Variants in CASP4 observed in about 807,000 individuals in gnomAD.
CASP4 encodes caspase 4.
A neutral mutation model predicts 41.3 loss-of-function variants in CASP4; 29 were observed. The ratio of observed to expected loss-of-function variants is 0.70; its 90% CI spans 0.52 to 0.96. The LOEUF (loss-of-function observed/expected upper bound fraction) is 0.96. Ranked by LOEUF, CASP4 falls within the 40% of genes least tolerant of loss-of-function variation. CASP4 has a pLI of 0.00. For synonymous variants in CASP4, 185 were observed against 158.4 expected (o/e 1.17, Z -1.26); for missense variants, 447 against 460.6 (o/e 0.97, Z 0.27).
chr11:104,949,702 T>G lies in CASP4; in HGVS notation c.622A>C (p.Met208Leu). 1 of 1,613,960 alleles carries G rather than the reference T, an allele frequency of 6.2e-7. No homozygotes were observed. Among genetic ancestry groups the G allele is most frequent in the African/African-American group, 1.3e-5 (1 of 75,026 alleles). The part of the protein sequence containing the change: ...KSSDSTFLVL[M>L]SHGILEGICG... ...ATTCCCTCCAGGATGCCATGAGACA[T>G]GAGTACCAAGAATGTGCTGTCAGAG... The change falls in exon 5 of 9, where the codon ATG (methionine) becomes CTG (leucine). Residue 208 changes from methionine to leucine, a missense_variant. Coordinates refer to ENST00000444739, the MANE Select transcript of CASP4 (RefSeq NM_001225.4).
intron 8 of CASP4, 33 bp downstream of exon 8, chr11:104,944,715 T>G (rs745466607): frequency 7.4e-7 from 1 of 1,345,510 alleles, no homozygotes; most frequent in South Asian, 1.2e-5. Flanking sequence ...TCTTATTTAT[T>G]TCACATACCA....
chr11:104,944,771 G>A lies in CASP4; in HGVS notation c.1116C>T (p.Tyr372=), dbSNP rs781519207. 9 of 1,610,660 alleles carry A rather than the reference G, an allele frequency of 5.6e-6. No individual in the cohort carries two copies. The highest frequency in any genetic ancestry group is 1.3e-5 in the African/African-American group (1 of 74,844). The change falls in exon 8 of 9, where the codon TAC becomes TAT. Residue 372 remains tyrosine (Y), a synonymous_variant. Coordinates refer to ENST00000444739, the MANE Select transcript of CASP4 (RefSeq NM_001225.4). ...ACCATTTTCAATTGCCAGGAAAGAG[G>A]TAGAAATATCTTGTCATGGACAGTC... The part of the protein sequence containing the change: ...IERLSMTRYF[Y]LFPGN
At chr11:104,949,106 G>A (rs899194629) in intron 5 of CASP4, 66 of 249,764 alleles carry the variant, frequency 2.6e-4, no homozygotes, top group African/African-American at 1.2e-3. Context: ...ACATTCTACA[G>A]TCCCCTGATC....
chr11:104,945,948 G>T (rs1282329122), intron 7 of CASP4, among the ~76,000 whole-genome samples: 1 of 152,022 alleles, frequency 6.6e-6, no homozygotes, highest in Non-Finnish European at 1.5e-5. Flanking sequence ...CTGAGCTCAA[G>T]CGATTCTCCC....
chr11:104,945,837 C>G (rs1860445292), intron 7 of CASP4, among the ~76,000 whole-genome samples: 1 of 151,764 alleles, frequency 6.6e-6, no homozygotes, highest in Non-Finnish European at 1.5e-5. Flanking sequence ...CTTCTTATTT[C>G]ACTACTTTTC....
intron 1 of CASP4, among the ~76,000 whole-genome samples, chr11:104,958,865 G>A (rs551395007): frequency 3.4e-5 from 5 of 148,986 alleles, no homozygotes; most frequent in African/African-American, 4.9e-5. Flanking sequence ...TGAGGCAGAG[G>A]CAGTAGAATT....
chr11:104,950,661 C>T (rs1367290997), intron 4 of CASP4, among the ~76,000 whole-genome samples: 4 of 151,990 alleles, frequency 2.6e-5, no homozygotes, highest in Admixed American at 2.6e-4. Flanking sequence ...GGGCTGCATC[C>T]CAATCACATG....
At chr11:104,966,144 A>T (rs542457236) in intron 1 of CASP4, among the ~76,000 whole-genome samples, 19 of 152,318 alleles carry the variant, frequency 1.2e-4, no homozygotes, top group Non-Finnish European at 2.2e-4. Flanking sequence ...CTCTTACGCC[A>T]TTGCAATTCC....
chr11:104,963,971 G>A (rs1860917675), intron 1 of CASP4, among the ~76,000 whole-genome samples: 2 of 152,126 alleles, frequency 1.3e-5, no homozygotes, highest in South Asian at 4.1e-4. Context: ...TTAACAACTG[G>A]CAAATAAAAA....
intron 1 of CASP4, among the ~76,000 whole-genome samples, chr11:104,955,783 A>G (rs753035087): frequency 1.3e-5 from 2 of 152,130 alleles, no homozygotes; most frequent in Non-Finnish European, 2.9e-5. Flanking sequence ...GTTTCAATAC[A>G]ACAGATATGA....
chr11:104,955,803 A>G (rs1860724806), intron 1 of CASP4, among the ~76,000 whole-genome samples: 1 of 152,114 alleles, frequency 6.6e-6, no homozygotes, highest in African/African-American at 2.4e-5. Context: ...ATTTCGGCAG[A>G]TTGTACACAG....
intron 1 of CASP4, among the ~76,000 whole-genome samples, chr11:104,955,233 T>A (rs1271860346): frequency 6.6e-6 from 1 of 152,128 alleles, no homozygotes; most frequent in East Asian, 1.9e-4. Flanking sequence ...TCTTTTCTTT[T>A]CTTTTAGCTT....
intron 1 of CASP4, among the ~76,000 whole-genome samples, chr11:104,955,886 T>C (rs545481954): frequency 6.6e-6 from 1 of 152,100 alleles, no homozygotes; most frequent in South Asian, 2.1e-4. Context: ...GATGTAAGGA[T>C]AGTGCTGACA....
At position 104,968,530 on chromosome 11, in the gene CASP4, A is replaced by C. The variant is rs777531139; in HGVS notation, c.-5T>G. On this transcript the variant is annotated 5_prime_UTR_variant, in exon 1 of 9. Transcript: ENST00000444739. ...AGAAAAGGACTCACCTGCCATAGGG[A>C]ACAGCCTCTGTCCTTTTTTACAGCG... 2 of 1,613,154 alleles carry C rather than the reference A, an allele frequency of 1.2e-6. No individual in the cohort carries two copies. Among genetic ancestry groups the C allele is most frequent in the Non-Finnish European group, 1.7e-6 (2 of 1,179,254 alleles).
chr11:104,946,526 C>T (rs961911686), intron 7 of CASP4: 4 of 152,126 alleles, frequency 2.6e-5, no homozygotes, highest in African/African-American at 7.2e-5. Context: ...AGGAATGTCC[C>T]AAGTTGGGCA....
At chr11:104,961,511 T>C (rs1860858595) in intron 1 of CASP4, among the ~76,000 whole-genome samples, 1 of 152,068 alleles carries the variant, frequency 6.6e-6, no homozygotes, top group Non-Finnish European at 1.5e-5. Flanking sequence ...CATTGCAGGG[T>C]GTCTGTAGCC....
Position 104,954,938 on chromosome 11 carries a change from C to T in CASP4, c.71G>A (p.Gly24Asp). Residue 24 changes from glycine to aspartate, a missense_variant, in exon 2 of 9, where the codon GGT (glycine) becomes GAT (aspartate). Coordinates refer to ENST00000444739, the MANE Select transcript of CASP4 (RefSeq NM_001225.4). ...TTGTTCCACCAAGTTATCCAAAACA[C>T]CAGTGAGGAAATCTTTGCCCAGGGA... ...LESLGKDFLT[G>D]VLDNLVEQNV... The T allele has an allele frequency of 6.2e-7, 1 of 1,613,556 alleles. No individual in the cohort carries two copies. Among genetic ancestry groups the T allele is most frequent in the African/African-American group, 1.3e-5 (1 of 75,004 alleles).
intron 1 of CASP4, among the ~76,000 whole-genome samples, chr11:104,965,194 C>T (rs1005604645): frequency 6.6e-5 from 10 of 152,154 alleles, no homozygotes; most frequent in Non-Finnish European, 1.2e-4. Context: ...GAATTGTACT[C>T]CTCATCCTAG....
Position 104,948,588 on chromosome 11 carries a change from A to G in CASP4, c.870T>C (p.Ala290=). The G allele has an allele frequency of 6.2e-7, 1 of 1,611,760 alleles. No homozygotes were observed. ...CCTTCTCCACGTGGGTCTTGTAAACAGCATCTTCCTCTAGGTTCTCAGATG... is the reference window on the plus strand; with the variant it reads ...CCTTCTCCACGTGGGTCTTGTAAACGGCATCTTCCTCTAGGTTCTCAGATG... The part of the protein sequence containing the change: ...SQSSENLEED[A]VYKTHVEKDF... The change falls in exon 6 of 9, where the codon GCT becomes GCC. Residue 290 remains alanine (A), a synonymous_variant. Coordinates refer to ENST00000444739, the MANE Select transcript of CASP4 (RefSeq NM_001225.4).
Sources: gnomAD v4.1 joint callset for allele counts (sites outside exome capture counted in the v4.1 genomes callset) on GRCh38, gnomAD v4.1.1 for gene constraint, MANE v1.5 for transcripts, NCBI Gene and HGNC (gene_info 2026-07-23, HGNC 2026-07-21) for gene names.